GPC6: variants seen among roughly 807,000 people sequenced by gnomAD.
GPC6 encodes glypican-6.
Under a neutral mutation model 55.2 loss-of-function variants are expected in GPC6, and 14 were observed. The observed-to-expected ratio is 0.25, with a 90% CI of 0.17 to 0.40. The LOEUF is 0.40. Among genes scored for constraint, GPC6 ranks in the 10% least tolerant of loss-of-function variants. The probability of loss-of-function intolerance (pLI) is 1.00; values close to 1 mark genes in which losing one functional copy is unlikely to be tolerated. For synonymous variants in GPC6, 278 were observed against 259.6 expected (o/e 1.07, Z -0.68); for missense variants, 641 against 708.5 (o/e 0.90, Z 1.08).
chr13:94,271,382 G>GCGCGCACACACA (rs1491286473), intron 4 of GPC6, among the ~76,000 whole-genome samples: 16 of 126,756 alleles, frequency 1.3e-4, no homozygotes, highest in African/African-American at 3.6e-4. Context: ...GCGCGCGCGC[G>GCGCGCACACACA]CACACACACA....
intron 3 of GPC6, among the ~76,000 whole-genome samples, chr13:93,890,555 T>A (rs949252472): frequency 6.6e-6 from 1 of 152,056 alleles, no homozygotes; most frequent in African/African-American, 2.4e-5. Context: ...AGTTTTTAGA[T>A]GAAAATTTGG....
chr13:93,526,978 G>C (rs967577013), intron 1 of GPC6, among the ~76,000 whole-genome samples: 5 of 152,072 alleles, frequency 3.3e-5, no homozygotes, highest in African/African-American at 1.2e-4. Context: ...TAAACATGAA[G>C]GAAAAGCTGT....
chr13:93,857,317 G>A (rs867013481), intron 3 of GPC6, among the ~76,000 whole-genome samples: 5 of 151,462 alleles, frequency 3.3e-5, no homozygotes, highest in African/African-American at 4.8e-5. Flanking sequence ...TATCAGAGGT[G>A]TTGCATAAGA....
intron 8 of GPC6, among the ~76,000 whole-genome samples, chr13:94,401,525 G>T (rs945999303): frequency 6.6e-6 from 1 of 152,034 alleles, no homozygotes; most frequent in Non-Finnish European, 1.5e-5. Context: ...GGGTACCAAG[G>T]CCTTGGTTTC....
intron 1 of GPC6, among the ~76,000 whole-genome samples, chr13:93,309,257 A>G (rs1243668702): frequency 6.6e-6 from 1 of 151,874 alleles, no homozygotes; most frequent in Non-Finnish European, 1.5e-5. Context: ...ATAAAAGTCA[A>G]TATTTTGGTA....
At chr13:93,449,429 T>A (rs1878131247) in intron 1 of GPC6, among the ~76,000 whole-genome samples, 1 of 152,186 alleles carries the variant, frequency 6.6e-6, no homozygotes, top group Admixed American at 6.5e-5. Context: ...TTCACCTAGA[T>A]GATGATTGTT....
rs1303742421 is a variant in GPC6 at position 93,832,007 on chromosome 13, A to G, written c.711+1462A>G. 4.3e-5 allele frequency among the ~76,000 whole-genome samples: 6 copies of G among 139,828 alleles called. No homozygotes were observed. In the East Asian group the frequency reaches 1.1e-3, roughly 26 times the overall value. 91.7% of individuals were successfully genotyped at this position (139,828 alleles called of 152,430 possible). On this transcript the variant is annotated intron_variant, in intron 3 of 8. Transcript: ENST00000377047. ...CTGGAGGCTGAGGCAGGAGAATGGC[A>G]TGAACCTGGGAGGCGGGGCTTGCAG...
At chr13:94,001,339 A>T (rs1881790470) in intron 3 of GPC6, among the ~76,000 whole-genome samples, 1 of 152,236 alleles carries the variant, frequency 6.6e-6, no homozygotes, top group Non-Finnish European at 1.5e-5. Context: ...TCATTATGTT[A>T]GTTAAAACAA....
chr13:93,329,975 T>G (rs1879788547), intron 1 of GPC6, among the ~76,000 whole-genome samples: 1 of 152,228 alleles, frequency 6.6e-6, no homozygotes, highest in African/African-American at 2.4e-5. Context: ...AGTTATTCAC[T>G]TCACAGGTGG....
intron 4 of GPC6, among the ~76,000 whole-genome samples, chr13:94,236,041 T>A (rs999067918): frequency 6.6e-6 from 1 of 152,186 alleles, no homozygotes; most frequent in Non-Finnish European, 1.5e-5. Flanking sequence ...CCCTGGCTGC[T>A]TCTTATTAAA....
At chr13:93,571,762 T>A (rs1333213986) in intron 2 of GPC6, among the ~76,000 whole-genome samples, 1 of 152,160 alleles carries the variant, frequency 6.6e-6, no homozygotes, top group East Asian at 1.9e-4. Flanking sequence ...TCACTGCCTT[T>A]GCTTATATAG....
chr13:93,822,245 A>G (rs930808798), intron 2 of GPC6, among the ~76,000 whole-genome samples: 4 of 152,024 alleles, frequency 2.6e-5, no homozygotes, highest in African/African-American at 9.7e-5. Context: ...TTGGCCAAAC[A>G]TTTTAACTAT....
chr13:93,763,039 T>G (rs778512096), intron 2 of GPC6, among the ~76,000 whole-genome samples: 1 of 152,236 alleles, frequency 6.6e-6, no homozygotes, highest in Non-Finnish European at 1.5e-5. Flanking sequence ...CTCAATAACT[T>G]GACTGGAACT....
At chr13:94,068,762 C>T (rs2138779658) in intron 4 of GPC6, among the ~76,000 whole-genome samples, 1 of 152,300 alleles carries the variant, frequency 6.6e-6, no homozygotes, top group South Asian at 2.1e-4. Context: ...AAAATGATCT[C>T]CTTTGACTCT....
chr13:93,831,126 G>C (rs1887476062), intron 3 of GPC6, among the ~76,000 whole-genome samples: 1 of 152,194 alleles, frequency 6.6e-6, no homozygotes, highest in South Asian at 2.1e-4. Flanking sequence ...TTCTCCTAGA[G>C]AATTTCTTTT....
intron 2 of GPC6, among the ~76,000 whole-genome samples, chr13:93,710,449 G>C (rs1883014212): frequency 6.6e-6 from 1 of 151,714 alleles, no homozygotes; most frequent in Admixed American, 6.6e-5. Context: ...ATCTTGTGTA[G>C]TGAATCAGGC....
intron 4 of GPC6, among the ~76,000 whole-genome samples, chr13:94,105,950 A>G (rs1886038709): frequency 6.7e-6 from 1 of 148,606 alleles, no homozygotes; most frequent in Admixed American, 6.7e-5. Flanking sequence ...CAGCTATCCT[A>G]CATTGGAAAG....
At chr13:93,507,868 C>T (rs921919207) in intron 1 of GPC6, among the ~76,000 whole-genome samples, 1 of 151,478 alleles carries the variant, frequency 6.6e-6, no homozygotes, top group East Asian at 1.9e-4. Flanking sequence ...CTGTGCTTAC[C>T]GCTAAGCATA....
rs1409174 is a variant in GPC6 at position 94,286,531 on chromosome 13, A to G, written c.1008+52A>G. The G allele has an allele frequency of 0.59, 903,312 of 1,523,374 alleles. 273,106 individuals carry two copies. The highest frequency in any genetic ancestry group is 0.87 in the African/African-American group (63,332 of 73,172). The allele number at this position is 1,523,374 out of a possible 1,614,324, so 94.4% of individuals were successfully genotyped here. A position where few individuals can be genotyped will look rare whatever the true frequency, so the allele number is the denominator to read the frequency against. ...AATACATGTATGTTATACAGGTGCA[A>G]TAACCTAAAAACGAAGTAACTAGAT... On this transcript the variant is annotated intron_variant, in intron 5 of 8. Coordinates refer to ENST00000377047, the MANE Select transcript of GPC6 (RefSeq NM_005708.5).
Sources: gnomAD v4.1 joint callset for allele counts (sites outside exome capture counted in the v4.1 genomes callset) on GRCh38, gnomAD v4.1.1 for gene constraint, MANE v1.5 for transcripts, NCBI Gene and HGNC (gene_info 2026-07-23, HGNC 2026-07-21) for gene names.